Variants in ATXN1 observed in about 807,000 individuals in gnomAD.
ATXN1 encodes ataxin-1.
In ATXN1, 8 loss-of-function variants were observed where a neutral mutation model predicts 56.4. The ratio of observed to expected loss-of-function variants is 0.14; its 90% confidence interval spans 0.08 to 0.26. The LOEUF (loss-of-function observed/expected upper bound fraction) is 0.26. Among genes scored for constraint, ATXN1 ranks in the 10% least tolerant of loss-of-function variants. ATXN1 has a pLI of 1.00. For synonymous variants in ATXN1, 514 were observed against 494.6 expected (o/e 1.04, Z -0.52); for missense variants, 987 against 1,106.5 (o/e 0.89, Z 1.53).
At chr6:16,340,000 C>A (rs1334502862) in intron 6 of ATXN1, among the ~76,000 whole-genome samples, 1 of 152,176 alleles carries the variant, frequency 6.6e-6, no homozygotes, top group Non-Finnish European at 1.5e-5. Flanking sequence ...CCAGGATGGT[C>A]TCGATCTCTT....
intron 2 of ATXN1, among the ~76,000 whole-genome samples, chr6:16,693,804 GCA>G (rs1172195775): frequency 2.0e-5 from 3 of 152,178 alleles, no homozygotes; most frequent in Non-Finnish European, 4.4e-5. Context: ...CCTAGGAAAA[GCA>G]CAGAGAGTAA....
chr6:16,322,630 T>C (rs1156636971), intron 7 of ATXN1, among the ~76,000 whole-genome samples: 1 of 152,186 alleles, frequency 6.6e-6, no homozygotes, highest in Non-Finnish European at 1.5e-5. Context: ...ACCAGGAAGA[T>C]TCTTCAGGCT....
At chr6:16,340,265 C>T (rs1761216274) in intron 6 of ATXN1, among the ~76,000 whole-genome samples, 1 of 152,150 alleles carries the variant, frequency 6.6e-6, no homozygotes, top group African/African-American at 2.4e-5. Context: ...CTCAGAGGAA[C>T]TAATAATGAA....
intron 4 of ATXN1, among the ~76,000 whole-genome samples, chr6:16,534,799 T>C (rs1207475386): frequency 6.6e-6 from 1 of 152,234 alleles, no homozygotes; most frequent in Non-Finnish European, 1.5e-5. Context: ...TCTTTGCTTC[T>C]AGCCTCCTCA....
intron 2 of ATXN1, among the ~76,000 whole-genome samples, chr6:16,665,477 A>G (rs1030381714): frequency 1.6e-4 from 25 of 151,856 alleles, no homozygotes; most frequent in African/African-American, 6.1e-4. Flanking sequence ...GGAATAGGTA[A>G]ATAATGTCTT....
At chr6:16,591,698 G>A (rs141829643) in intron 3 of ATXN1, among the ~76,000 whole-genome samples, 2 of 152,148 alleles carry the variant, frequency 1.3e-5, no homozygotes, top group African/African-American at 4.8e-5. Context: ...GGGCCCCAGC[G>A]AGGTCTCTGT....
chr6:16,520,042 C>T (rs1026949441), intron 5 of ATXN1, among the ~76,000 whole-genome samples: 1 of 152,178 alleles, frequency 6.6e-6, no homozygotes, highest in African/African-American at 2.4e-5. Context: ...AGCACAGTCA[C>T]GTTGCTATGG....
intron 6 of ATXN1, among the ~76,000 whole-genome samples, chr6:16,458,849 C>A (rs1759933402): frequency 6.6e-6 from 1 of 152,236 alleles, no homozygotes; most frequent in African/African-American, 2.4e-5. Flanking sequence ...AGCCCCCAAC[C>A]AGATGATCCA....
chr6:16,369,975 G>A (rs914958999), intron 6 of ATXN1, among the ~76,000 whole-genome samples: 2 of 152,138 alleles, frequency 1.3e-5, no homozygotes, highest in African/African-American at 2.4e-5. Context: ...GCCTGGTGCC[G>A]AGCCAACATA....
At chr6:16,604,613 G>A (rs1762970471) in intron 3 of ATXN1, among the ~76,000 whole-genome samples, 1 of 145,720 alleles carries the variant, frequency 6.9e-6, no homozygotes, top group African/African-American at 2.5e-5. Flanking sequence ...TTTTAGACAG[G>A]CTTGCTTTGT....
intron 6 of ATXN1, among the ~76,000 whole-genome samples, chr6:16,394,260 G>A (rs1440018652): frequency 2.6e-5 from 4 of 152,126 alleles, no homozygotes; most frequent in Admixed American, 6.5e-5. Flanking sequence ...TCCCGGTCAC[G>A]TGCATCATGA....
intron 6 of ATXN1, among the ~76,000 whole-genome samples, chr6:16,389,108 G>A (rs549182440): frequency 2.6e-5 from 4 of 151,964 alleles, no homozygotes; most frequent in East Asian, 1.9e-4. Context: ...AGGCCAAGGC[G>A]GGCAGATCAC....
At chr6:16,414,118 A>G (rs1757219232) in intron 6 of ATXN1, among the ~76,000 whole-genome samples, 1 of 152,222 alleles carries the variant, frequency 6.6e-6, no homozygotes, top group South Asian at 2.1e-4. Context: ...AGAGGTATCG[A>G]TAGGTCCTCA....
intron 6 of ATXN1, among the ~76,000 whole-genome samples, chr6:16,417,370 G>T (rs1355295554): frequency 6.6e-6 from 1 of 151,878 alleles, no homozygotes; most frequent in African/African-American, 2.4e-5. Flanking sequence ...GGCTTTTAAT[G>T]GAAAGCAGAA....
At chr6:16,626,954 T>A (rs1021905612) in intron 3 of ATXN1, among the ~76,000 whole-genome samples, 1 of 152,310 alleles carries the variant, frequency 6.6e-6, no homozygotes, top group East Asian at 1.9e-4. Flanking sequence ...TTACTGTCTC[T>A]AGAATCATAA....
At chr6:16,329,910 G>A (rs772879903) in intron 6 of ATXN1, among the ~76,000 whole-genome samples, 1 of 152,196 alleles carries the variant, frequency 6.6e-6, no homozygotes, top group African/African-American at 2.4e-5. Context: ...ACATGACCCA[G>A]GCTAGCAAGC....
At chr6:16,564,218 T>C (rs1246120564) in intron 4 of ATXN1, among the ~76,000 whole-genome samples, 1 of 152,190 alleles carries the variant, frequency 6.6e-6, no homozygotes, top group Non-Finnish European at 1.5e-5. Flanking sequence ...TTCTTACCCT[T>C]CTACAACTAT....
chr6:16,748,233 A>G (rs984687365), intron 2 of ATXN1, among the ~76,000 whole-genome samples: 2 of 152,234 alleles, frequency 1.3e-5, no homozygotes, highest in Non-Finnish European at 2.9e-5. Flanking sequence ...TGCATGGGAC[A>G]GCCTGTGTCA....
chr6:16,689,556 T>C (rs1759000528), intron 2 of ATXN1, among the ~76,000 whole-genome samples: 2 of 145,024 alleles, frequency 1.4e-5, no homozygotes, highest in South Asian at 4.5e-4. Flanking sequence ...AGTCTCCCTA[T>C]GTTGCCCAAG....
Sources: gnomAD v4.1 joint callset for allele counts (sites outside exome capture counted in the v4.1 genomes callset) on GRCh38, gnomAD v4.1.1 for gene constraint, MANE v1.5 for transcripts, NCBI Gene and HGNC (gene_info 2026-07-23, HGNC 2026-07-21) for gene names.